Variants in FLI1 observed in about 807,000 individuals in gnomAD.
FLI1 encodes the protein Fli-1 proto-oncogene, ETS transcription factor, also known as Friend leukemia integration 1 transcription factor.
Under a neutral mutation model 53.1 loss-of-function variants are expected in FLI1, and 13 were observed. The ratio of observed to expected loss-of-function variants is 0.24; its 90% CI spans 0.16 to 0.39. The LOEUF (loss-of-function observed/expected upper bound fraction) is 0.39, where lower values mean the gene tolerates loss of function less well. Ranked by LOEUF, FLI1 falls within the 10% of genes least tolerant of loss-of-function variation. FLI1 has a pLI of 1.00. For missense variants in FLI1, 424 were observed against 600.5 expected (o/e 0.71, Z 3.07); for synonymous variants, 244 against 236.7 (o/e 1.03, Z -0.28).
At chr11:128,719,902 A>C (rs1239680207) in intron 1 of FLI1, among the ~76,000 whole-genome samples, 1 of 152,150 alleles carries the variant, frequency 6.6e-6, no homozygotes, top group Non-Finnish European at 1.5e-5. Flanking sequence ...AGGTGCTACT[A>C]CTTCTTCTCT....
In FLI1 at chr11:128,768,118, G is replaced by A. The variant is rs1271348934; in HGVS notation, c.231G>A (p.Arg77=). 6.2e-7 allele frequency: 1 copy of A among 1,609,962 alleles called. No homozygotes were observed. The highest frequency in any genetic ancestry group is 8.5e-7 in the Non-Finnish European group (1 of 1,177,530). Residue 77 remains arginine (R), a splice_region_variant and synonymous_variant, in exon 3 of 9, where the codon AGG becomes AGA. Transcript: ENST00000527786. ...TGGGCTTTGTCTCTTCTCACTTTAGGGAGTCTCCGGTGGACTGCAGCGTTA... is the reference window on the plus strand; with the variant it reads ...TGGGCTTTGTCTCTTCTCACTTTAGAGAGTCTCCGGTGGACTGCAGCGTTA... ...KREYDHMNGS[R]ESPVDCSVSK...
At chr11:128,745,894 G>T (rs1364758365) in intron 1 of FLI1, among the ~76,000 whole-genome samples, 1 of 152,224 alleles carries the variant, frequency 6.6e-6, no homozygotes, top group Non-Finnish European at 1.5e-5. Context: ...AAGGGCCCCG[G>T]TTACCATGGC....
At chr11:128,730,544 A>G (rs1001979878) in intron 1 of FLI1, among the ~76,000 whole-genome samples, 7 of 152,228 alleles carry the variant, frequency 4.6e-5, no homozygotes, top group Non-Finnish European at 7.3e-5. Context: ...AGGGCTCTGG[A>G]ACAGACACAT....
intron 5 of FLI1, among the ~76,000 whole-genome samples, chr11:128,789,504 C>T (rs1368373028): frequency 2.6e-5 from 4 of 152,214 alleles, no homozygotes; most frequent in African/African-American, 9.7e-5. Context: ...AGACTTTCCT[C>T]TCTACTTGTA....
intron 1 of FLI1, among the ~76,000 whole-genome samples, chr11:128,707,173 G>A (rs1253025919): frequency 6.6e-6 from 1 of 152,116 alleles, no homozygotes; most frequent in Non-Finnish European, 1.5e-5. Flanking sequence ...TTCCCAGCAC[G>A]ATACTCTGTC....
chr11:128,790,243 G>A (rs1453848125), intron 5 of FLI1, among the ~76,000 whole-genome samples: 2 of 146,450 alleles, frequency 1.4e-5, no homozygotes, highest in African/African-American at 2.7e-5. Flanking sequence ...GACCCTCTTC[G>A]GAGAGTTGCA....
chr11:128,736,752 C>T (rs980504178), intron 1 of FLI1, among the ~76,000 whole-genome samples: 1 of 152,210 alleles, frequency 6.6e-6, no homozygotes, highest in Non-Finnish European at 1.5e-5. Flanking sequence ...TATGTGTGTA[C>T]TTTCTGCTAT....
At chr11:128,753,994 T>C (rs1940757135) in intron 1 of FLI1, among the ~76,000 whole-genome samples, 1 of 152,220 alleles carries the variant, frequency 6.6e-6, no homozygotes, top group Admixed American at 6.5e-5. Context: ...GCTCTTTCAC[T>C]TGGGTCTCAA....
intron 4 of FLI1, 111 bp from the exon 5 acceptor site, chr11:128,781,847 C>G: frequency 1.2e-6 from 1 of 842,072 alleles, no homozygotes; most frequent in South Asian, 1.4e-5. Flanking sequence ...TCCTCTGTCC[C>G]TCTTCCCCTC....
intron 1 of FLI1, among the ~76,000 whole-genome samples, chr11:128,716,601 C>G (rs1939025669): frequency 6.6e-6 from 1 of 152,094 alleles, no homozygotes; most frequent in Admixed American, 6.5e-5. Context: ...GGACTTGAAC[C>G]TAGACACTGG....
chr11:128,693,984 GAGA>G (rs1937893701), upstream of FLI1: 1 of 305,238 alleles, frequency 3.3e-6, no homozygotes, highest in Non-Finnish European at 5.9e-6. Flanking sequence ...GAGAGAGAGA[GAGA>G]GAGAGATAGG....
At chr11:128,754,859 C>T (rs1393842582) in intron 1 of FLI1, among the ~76,000 whole-genome samples, 2 of 152,238 alleles carry the variant, frequency 1.3e-5, no homozygotes, top group African/African-American at 2.4e-5. Context: ...ACGCTCTCCT[C>T]CTACAATGTT....
Position 128,812,821 on chromosome 11 carries a change from A to ACTCAATTTTGAAATCT in FLI1, c.*1833_*1834insCTCAATTTTGAAATCT, listed in dbSNP as rs1565514831. ...CCCTGCTTCCTTCAGGTCTCAGACC[A>ACTCAATTTTGAAATCT]GGACTTTATGGCTCATGCAGATTTT... On this transcript the variant is annotated 3_prime_UTR_variant, in exon 9 of 9. Transcript: ENST00000527786. 7 of 189,324 alleles carry ACTCAATTTTGAAATCT rather than the reference A, an allele frequency of 3.7e-5. No homozygotes were observed. The highest frequency in any genetic ancestry group is 2.2e-5 in the Non-Finnish European group (2 of 89,914). The allele number at this position is 189,324 out of a possible 1,614,324, so 11.7% of individuals were successfully genotyped here.
chr11:128,768,573 C>A (rs978039231), intron 3 of FLI1: 5 of 345,558 alleles, frequency 1.4e-5, no homozygotes, highest in Non-Finnish European at 2.8e-5. Flanking sequence ...CTTATATTCC[C>A]AGCTACTCAG....
At chr11:128,770,926 G>A (rs2060057287) in intron 3 of FLI1, among the ~76,000 whole-genome samples, 1 of 152,216 alleles carries the variant, frequency 6.6e-6, no homozygotes, top group East Asian at 1.9e-4. Flanking sequence ...TCCGCTTTCT[G>A]GCTTCAGAGC....
chr11:128,724,153 C>T (rs1467318988), intron 1 of FLI1, among the ~76,000 whole-genome samples: 3 of 152,060 alleles, frequency 2.0e-5, no homozygotes, highest in Non-Finnish European at 4.4e-5. Flanking sequence ...CCATGTTGGG[C>T]AGGCTGGTCT....
At chr11:128,716,940 G>A (rs994702294) in intron 1 of FLI1, among the ~76,000 whole-genome samples, 2 of 152,190 alleles carry the variant, frequency 1.3e-5, no homozygotes, top group Admixed American at 6.5e-5. Context: ...CTGTGGGCAT[G>A]GGCACATTGC....
intron 1 of FLI1, among the ~76,000 whole-genome samples, chr11:128,747,018 G>A (rs1940424305): frequency 6.6e-6 from 1 of 152,206 alleles, no homozygotes; most frequent in Non-Finnish European, 1.5e-5. Flanking sequence ...GGGCTCCTCT[G>A]CAGGAAGAGG....
intron 1 of FLI1, among the ~76,000 whole-genome samples, chr11:128,741,926 G>A (rs781090606): frequency 1.3e-5 from 2 of 152,168 alleles, no homozygotes; most frequent in African/African-American, 2.4e-5. Flanking sequence ...TCCCAGTGAC[G>A]GTGACAATGC....
Sources: allele counts gnomAD v4.1 joint callset (sites outside exome capture counted in the v4.1 genomes callset), GRCh38; gene constraint gnomAD v4.1.1; transcripts MANE v1.5; gene names NCBI Gene and HGNC (gene_info 2026-07-23, HGNC 2026-07-21).